SLC35F3: variants seen among roughly 807,000 people sequenced by gnomAD.
The protein encoded by SLC35F3 is solute carrier family 35 member F3.
Under a neutral mutation model 49.9 loss-of-function variants are expected in SLC35F3, and 25 were observed. That is an observed-to-expected ratio of 0.50 (90% CI 0.37 to 0.70). The LOEUF (loss-of-function observed/expected upper bound fraction) is 0.70. Ranked by LOEUF, SLC35F3 falls within the 30% of genes least tolerant of loss-of-function variation. The probability of loss-of-function intolerance (pLI) is 0.00; values close to 1 mark genes in which losing one functional copy is unlikely to be tolerated. For missense variants in SLC35F3, 525 were observed against 639.8 expected, an observed-to-expected ratio of 0.82 and a Z score of 1.94; for synonymous variants, 275 against 265.4, an observed-to-expected ratio of 1.04 and a Z score of -0.35.
chr1:234,098,261 T>TTGGTGG (rs948149417), intron 2 of SLC35F3, among the ~76,000 whole-genome samples: 1 of 133,554 alleles, frequency 7.5e-6, no homozygotes, highest in African/African-American at 2.9e-5. Flanking sequence ...TGATTGTGTG[T>TTGGTGG]TGGTGGTGGT....
chr1:233,960,109 G>A (rs185928204), intron 2 of SLC35F3, among the ~76,000 whole-genome samples: 1 of 152,228 alleles, frequency 6.6e-6, no homozygotes, highest in Non-Finnish European at 1.5e-5. Flanking sequence ...CGACCTGTCT[G>A]TCTAGGTGTG....
intron 2 of SLC35F3, among the ~76,000 whole-genome samples, chr1:234,111,650 C>T (rs941424946): frequency 2.6e-5 from 4 of 152,202 alleles, no homozygotes; most frequent in Admixed American, 6.5e-5. Context: ...GTGGCCACAT[C>T]GTGTGACCCA....
chr1:234,230,278 CAT>C (rs1352572993), intron 2 of SLC35F3, among the ~76,000 whole-genome samples: 1 of 152,228 alleles, frequency 6.6e-6, no homozygotes, highest in East Asian at 1.9e-4. Context: ...AATTTTGCCT[CAT>C]AGACTCATAA....
intron 5 of SLC35F3, among the ~76,000 whole-genome samples, chr1:234,318,121 G>A (rs988573503): frequency 5.3e-5 from 8 of 152,354 alleles, no homozygotes; most frequent in African/African-American, 1.9e-4. Context: ...CGCAGGAGCT[G>A]CCCTGGGGCC....
At chr1:234,273,988 TA>T (rs879324347) in intron 3 of SLC35F3, among the ~76,000 whole-genome samples, 1 of 151,280 alleles carries the variant, frequency 6.6e-6, no homozygotes, top group Non-Finnish European at 1.5e-5. Context: ...GTGTTTTGGT[TA>T]AAAAAAAACC....
chr1:233,960,031 A>C (rs113669420), intron 2 of SLC35F3, among the ~76,000 whole-genome samples: 16 of 152,100 alleles, frequency 1.1e-4, no homozygotes, highest in Non-Finnish European at 1.9e-4. Flanking sequence ...GTGCCTTTCT[A>C]TCTTCCTGCC....
intron 2 of SLC35F3, among the ~76,000 whole-genome samples, chr1:234,179,248 G>T (rs777379900): frequency 3.3e-5 from 5 of 152,190 alleles, no homozygotes; most frequent in Non-Finnish European, 7.3e-5. Flanking sequence ...TTGGCTGAAG[G>T]TCCATCTTCT....
intron 2 of SLC35F3, among the ~76,000 whole-genome samples, chr1:233,906,146 T>G (rs1244211684): frequency 4.6e-5 from 7 of 152,220 alleles, no homozygotes; most frequent in African/African-American, 1.7e-4. Flanking sequence ...CTCACCAGGC[T>G]CAGATGGAGA....
At chr1:234,131,639 A>G (rs912133126) in intron 2 of SLC35F3, among the ~76,000 whole-genome samples, 7 of 152,234 alleles carry the variant, frequency 4.6e-5, no homozygotes, top group Admixed American at 1.3e-4. Context: ...AAGGGATTCA[A>G]CATCTCTCAG....
chr1:234,236,344 C>G (rs1349429088), intron 3 of SLC35F3, among the ~76,000 whole-genome samples: 2 of 151,988 alleles, frequency 1.3e-5, no homozygotes, highest in Admixed American at 1.3e-4. Context: ...GGGGACTAGG[C>G]AGGAGGATCA....
chr1:234,230,944 C>T (rs1236368811), intron 2 of SLC35F3, among the ~76,000 whole-genome samples: 1 of 152,192 alleles, frequency 6.6e-6, no homozygotes, highest in Non-Finnish European at 1.5e-5. Flanking sequence ...TCAGGACCTC[C>T]CCCTGTAGGA....
rs56891961 is a variant in SLC35F3, at chr1:234,251,464, C to CA, written c.608+19740dup. 2.3e-3 allele frequency among the ~76,000 whole-genome samples: 286 copies of CA among 123,734 alleles called. 1 individual carries two copies. The highest frequency in any genetic ancestry group is 6.1e-3 in the African/African-American group (200 of 32,784). 81.2% of individuals were successfully genotyped at this position (123,734 alleles called of 152,430 possible). A position where few individuals can be genotyped will look rare whatever the true frequency, so the allele number is the denominator to read the frequency against. On this transcript the variant is annotated intron_variant, in intron 3 of 7. Transcript: ENST00000366618. ...AAAAGAGCCCATTTACAAACTAAAC[C>CA]AAAAAAAAAAAAAAAAACACACACA...
intron 2 of SLC35F3, among the ~76,000 whole-genome samples, chr1:233,955,837 A>G (rs1571995656): frequency 9.7e-6 from 1 of 103,216 alleles, no homozygotes; most frequent in Admixed American, 1.2e-4. Context: ...CTGTGTTTCC[A>G]TTGTTGACCA....
chr1:234,186,895 G>GGTT (rs1666651623), intron 2 of SLC35F3, among the ~76,000 whole-genome samples: 1 of 152,090 alleles, frequency 6.6e-6, no homozygotes, highest in Admixed American at 6.5e-5. Flanking sequence ...CTTCCTTTTT[G>GGTT]GTTGTTGTTG....
At chr1:233,959,374 G>A (rs560057945) in intron 2 of SLC35F3, among the ~76,000 whole-genome samples, 1 of 152,226 alleles carries the variant, frequency 6.6e-6, no homozygotes, top group East Asian at 1.9e-4. Context: ...AAAGAAAAAA[G>A]CAGTAAGTAC....
rs1169413465 is a variant in SLC35F3, at chr1:234,214,584, G to A, written c.284-16833G>A. ...CTTACCAAAGTGGAAGGTAATGCGCGGCCGCCTCGCCCCGGGGGTCCCTGC... is the reference window on the plus strand; with the variant it reads ...CTTACCAAAGTGGAAGGTAATGCGCAGCCGCCTCGCCCCGGGGGTCCCTGC... On this transcript the variant is annotated intron_variant, in intron 2 of 7. Coordinates refer to ENST00000366618, the MANE Select transcript of SLC35F3 (RefSeq NM_173508.4). The surrounding 1 kb of genome is among the most constrained non-coding windows in gnomAD (Gnocchi z 8.0). 3.9e-6 allele frequency: 6 copies of A among 1,531,734 alleles called. No homozygotes were observed. In the African/African-American group the frequency reaches 7.1e-5, roughly 18 times the overall value. The allele number at this position is 1,531,734 out of a possible 1,614,324, so 94.9% of individuals were successfully genotyped here.
chr1:234,318,940 T>C lies in SLC35F3; in HGVS notation c.1144T>C (p.Leu382=), dbSNP rs1235954365. The change falls in exon 6 of 8, where the codon TTG becomes CTG. Residue 382 remains leucine, a synonymous_variant. Transcript: ENST00000366618. ...GNLCGFSVLL[L]TFNIVLNFGI... ...CCTTTGTGGATTTTCAGTTCTTTTA[T>C]TGAGTAAGTGCTAATCACCTGTCCA... is the stretch of plus-strand genomic sequence containing the variant. 3.7e-6 allele frequency: 6 copies of C among 1,613,682 alleles called. No individual in the cohort carries two copies. Among genetic ancestry groups the C allele is most frequent in the African/African-American group, 2.7e-5 (2 of 74,932 alleles).
At chr1:233,909,617 T>C (rs980374529) in intron 2 of SLC35F3, among the ~76,000 whole-genome samples, 1 of 152,244 alleles carries the variant, frequency 6.6e-6, no homozygotes, top group Non-Finnish European at 1.5e-5. Context: ...TTCTTGGTGA[T>C]AAGCTTTGGT....
At chr1:233,989,903 C>T (rs1488997754) in intron 2 of SLC35F3, among the ~76,000 whole-genome samples, 1 of 152,026 alleles carries the variant, frequency 6.6e-6, no homozygotes, top group African/African-American at 2.4e-5. Context: ...AAATGATTAT[C>T]GTTATTTAAT....
Sources: gnomAD v4.1 joint callset for allele counts (sites outside exome capture counted in the v4.1 genomes callset) on GRCh38, gnomAD v4.1.1 for gene constraint, Gnocchi (gnomAD v3.1) non-coding constraint, MANE v1.5 for transcripts, NCBI Gene and HGNC (gene_info 2026-07-23, HGNC 2026-07-21) for gene names.